The following NRXN1 variants were observed in gnomAD, a reference collection of about 807,000 sequenced individuals.
The protein encoded by NRXN1 is neurexin-1.
A neutral mutation model predicts 150.9 loss-of-function variants in NRXN1; 39 were observed. The ratio of observed to expected loss-of-function variants is 0.26; its 90% CI spans 0.20 to 0.34. The LOEUF (loss-of-function observed/expected upper bound fraction) is 0.34. Among genes scored for constraint, NRXN1 ranks in the 10% least tolerant of loss-of-function variants. NRXN1 has a pLI of 1.00. For synonymous variants in NRXN1, 924 were observed against 757.0 expected, an observed-to-expected ratio of 1.22 and a Z score of -3.62; for missense variants, 1,815 against 1,949.9, an observed-to-expected ratio of 0.93 and a Z score of 1.30.
intron 12 of NRXN1, among the ~76,000 whole-genome samples, chr2:50,509,509 ACTT>A (rs1408400787): frequency 6.6e-6 from 1 of 152,142 alleles, no homozygotes; most frequent in Non-Finnish European, 1.5e-5. Flanking sequence ...AACACACTCA[ACTT>A]CTGGTGGTCT....
At chr2:49,979,906 G>GTTT (rs958895922) in intron 21 of NRXN1, among the ~76,000 whole-genome samples, 32 of 66,020 alleles carry the variant, frequency 4.8e-4, no homozygotes, top group African/African-American at 1.2e-3. Flanking sequence ...TGTTTTTTTG[G>GTTT]TTTTTTTTTT....
chr2:50,002,379 C>T (rs898184774), intron 21 of NRXN1, among the ~76,000 whole-genome samples: 1 of 152,076 alleles, frequency 6.6e-6, no homozygotes, highest in Non-Finnish European at 1.5e-5. Flanking sequence ...ATTGCTGAGT[C>T]TATCATTGTA....
chr2:50,363,241 G>T (rs1404659241), intron 17 of NRXN1, among the ~76,000 whole-genome samples: 1 of 152,136 alleles, frequency 6.6e-6, no homozygotes. Flanking sequence ...ATTGACAAAT[G>T]GGTTCTGATT....
intron 21 of NRXN1, among the ~76,000 whole-genome samples, chr2:49,962,762 G>T (rs1676208974): frequency 6.6e-6 from 1 of 152,056 alleles, no homozygotes; most frequent in Non-Finnish European, 1.5e-5. Flanking sequence ...AGACCATCCT[G>T]GCTAACACGG....
chr2:51,000,163 T>C (rs1699850245), intron 2 of NRXN1, among the ~76,000 whole-genome samples: 1 of 151,898 alleles, frequency 6.6e-6, no homozygotes, highest in Non-Finnish European at 1.5e-5. Context: ...TCACATGGAG[T>C]ATTCTCGCTC....
chr2:50,628,783 T>C (rs775511657), intron 5 of NRXN1, among the ~76,000 whole-genome samples: 62 of 151,410 alleles, frequency 4.1e-4, no homozygotes, highest in Non-Finnish European at 4.7e-4. Flanking sequence ...AATACTTATA[T>C]CTAGGATACA....
At chr2:50,965,019 G>T (rs1693827725) in intron 2 of NRXN1, among the ~76,000 whole-genome samples, 1 of 151,362 alleles carries the variant, frequency 6.6e-6, no homozygotes, top group African/African-American at 2.4e-5. Flanking sequence ...CACATTAGGT[G>T]CACTTCTCAT....
intron 2 of NRXN1, among the ~76,000 whole-genome samples, chr2:51,023,814 C>A (rs750668249): frequency 6.6e-6 from 1 of 152,098 alleles, no homozygotes; most frequent in African/African-American, 2.4e-5. Flanking sequence ...ATGTGGTTGC[C>A]TATCTGGTCA....
chr2:50,567,559 A>T (rs1670059499), intron 8 of NRXN1, among the ~76,000 whole-genome samples: 1 of 144,206 alleles, frequency 6.9e-6, no homozygotes, highest in Non-Finnish European at 1.5e-5. Context: ...AGGTATTCAA[A>T]TTTTAAATAA....
intron 17 of NRXN1, among the ~76,000 whole-genome samples, chr2:50,358,584 G>C (rs2078980976): frequency 6.6e-6 from 1 of 152,228 alleles, no homozygotes; most frequent in Admixed American, 6.5e-5. Context: ...GCCCCAGTCA[G>C]GAACTTATAG....
chr2:50,093,817 G>A (rs1699884695), intron 18 of NRXN1, among the ~76,000 whole-genome samples: 1 of 152,130 alleles, frequency 6.6e-6, no homozygotes, highest in Non-Finnish European at 1.5e-5. Context: ...GGCACAGGGT[G>A]ATTAAGCAAT....
intron 5 of NRXN1, among the ~76,000 whole-genome samples, chr2:50,635,906 T>C (rs1683174480): frequency 6.6e-6 from 1 of 152,180 alleles, no homozygotes; most frequent in Non-Finnish European, 1.5e-5. Flanking sequence ...TTTCAGAAGG[T>C]TCTAATCAAC....
intron 18 of NRXN1, among the ~76,000 whole-genome samples, chr2:50,234,475 C>T (rs1238948894): frequency 6.6e-6 from 1 of 152,090 alleles, no homozygotes; most frequent in Non-Finnish European, 1.5e-5. Flanking sequence ...GCCTGGGCAA[C>T]AAGAGCGAAA....
intron 12 of NRXN1, among the ~76,000 whole-genome samples, chr2:50,515,684 C>A (rs1474765779): frequency 6.9e-6 from 1 of 145,862 alleles, no homozygotes; most frequent in African/African-American, 2.6e-5. Context: ...TAGGTTTCTA[C>A]GTATATCAAC....
chr2:50,568,705 A>G (rs542286243), intron 8 of NRXN1, among the ~76,000 whole-genome samples: 6 of 152,328 alleles, frequency 3.9e-5, no homozygotes, highest in Admixed American at 3.3e-4. Flanking sequence ...AATGTAAATT[A>G]GTACAACCAC....
chr2:50,304,354 G>A (rs2074422994), intron 17 of NRXN1, among the ~76,000 whole-genome samples: 1 of 152,050 alleles, frequency 6.6e-6, no homozygotes, highest in Non-Finnish European at 1.5e-5. Context: ...AAGATTTTCT[G>A]GGCTCTCTGG....
At chr2:50,141,135 C>T (rs1185289799) in intron 18 of NRXN1, among the ~76,000 whole-genome samples, 1 of 151,892 alleles carries the variant, frequency 6.6e-6, no homozygotes, top group African/African-American at 2.4e-5. Context: ...ATGACAGTGA[C>T]TAAATTAACC....
chr2:50,332,251 T>A (rs571022910), intron 17 of NRXN1, among the ~76,000 whole-genome samples: 6 of 152,282 alleles, frequency 3.9e-5, no homozygotes, highest in African/African-American at 1.4e-4. Flanking sequence ...AGACTGAACA[T>A]ATTATTGCTT....
At chr2:50,577,256 C>T (rs1671578347) in intron 8 of NRXN1, among the ~76,000 whole-genome samples, 1 of 151,558 alleles carries the variant, frequency 6.6e-6, no homozygotes, top group Non-Finnish European at 1.5e-5. Flanking sequence ...CTGTTACTGG[C>T]ACAAATAAAA....
Sources: allele counts gnomAD v4.1 joint callset (sites outside exome capture counted in the v4.1 genomes callset), GRCh38; gene constraint gnomAD v4.1.1; transcripts MANE v1.5; gene names NCBI Gene and HGNC (gene_info 2026-07-23, HGNC 2026-07-21).